USP1: variants seen among roughly 807,000 people sequenced by gnomAD.
USP1 encodes ubiquitin carboxyl-terminal hydrolase 1.
Under a neutral mutation model 72.2 loss-of-function variants are expected in USP1, and 18 were observed. The observed-to-expected ratio is 0.25, with a 90% confidence interval of 0.17 to 0.37. USP1 has a LOEUF of 0.37. Ranked by LOEUF, USP1 falls within the 10% of genes least tolerant of loss-of-function variation. The pLI, the probability that USP1 is intolerant of heterozygous loss-of-function variation, is 1.00. For synonymous variants in USP1, 354 were observed against 303.7 expected (o/e 1.17, Z -1.72); for missense variants, 759 against 884.9 (o/e 0.86, Z 1.81).
chr1:62,445,968 A>C (rs1225140464), intron 6 of USP1, among the ~76,000 whole-genome samples: 2 of 152,148 alleles, frequency 1.3e-5, no homozygotes, highest in African/African-American at 2.4e-5. Flanking sequence ...CGACAGAGCA[A>C]GACTCCGTCT....
chr1:62,441,781 G>T (rs1645136004), intron 3 of USP1, among the ~76,000 whole-genome samples, 173 bp downstream of exon 3: 1 of 152,094 alleles, frequency 6.6e-6, no homozygotes, highest in South Asian at 2.1e-4. Context: ...CTTCCTTTGG[G>T]GTAAGAGAAA....
chr1:62,438,592 AG>A (rs933619246), intron 1 of USP1, among the ~76,000 whole-genome samples: 9 of 152,208 alleles, frequency 5.9e-5, no homozygotes, highest in East Asian at 3.8e-4. Context: ...TCGTTGCTGA[AG>A]TTTTGGGCTT....
rs145831239 is a variant in USP1 at position 62,441,497 on chromosome 1, T to C, written c.180T>C (p.Val60=). The part of the protein sequence containing the change: ...SEYRASEIDQ[V]VPAAQSSPIN... ...CTTCTATATTTCATAGTGATCAAGT[T>C]GTTCCTGCAGCACAGTCTTCACCTA... Residue 60 remains valine (V), a synonymous_variant, in exon 3 of 9, where the codon GTT becomes GTC. Transcript: ENST00000339950. The C allele has an allele frequency of 1.3e-4, 214 of 1,605,322 alleles. No homozygotes were observed. The African/African-American group carries it at 2.7e-3, about 20-fold the overall frequency.
chr1:62,445,080 T>C lies in USP1; in HGVS notation c.900T>C (p.Thr300=). Reference sequence around the variant, plus strand: ...CATTGGAAGAGAACCAGAGACAAACTAGATCAAAAAGAAAAGCTACAAGTG... The same window carrying C: ...CATTGGAAGAGAACCAGAGACAAACCAGATCAAAAAGAAAAGCTACAAGTG... ...HQSLEENQRQ[T]RSKRKATSDT... Residue 300 remains threonine (T), a synonymous_variant, in exon 6 of 9, where the codon ACT becomes ACC. Transcript: ENST00000339950. 1 of 1,611,382 alleles carries C rather than the reference T, an allele frequency of 6.2e-7. No homozygotes were observed. The highest frequency in any genetic ancestry group is 1.1e-5 in the South Asian group (1 of 90,272).
chr1:62,444,323 C>A (rs960020870), intron 5 of USP1, among the ~76,000 whole-genome samples: 5 of 148,996 alleles, frequency 3.4e-5, no homozygotes, highest in African/African-American at 1.0e-4. Flanking sequence ...TGAATACTGG[C>A]TTTTCATCCT....
In USP1 at chr1:62,439,830, A is replaced by T; in HGVS notation, c.-38A>T. 1 of 1,343,408 alleles carries T rather than the reference A, an allele frequency of 7.4e-7. No individual in the cohort carries two copies. The highest frequency in any genetic ancestry group is 9.6e-7 in the Non-Finnish European group (1 of 1,037,186). The allele number at this position is 1,343,408 out of a possible 1,614,324, so 83.2% of individuals were successfully genotyped here. A position where few individuals can be genotyped will look rare whatever the true frequency, so the allele number is the denominator to read the frequency against. ...TTGGTGATTACAACTTTCCTCTATAAATTAACTCTTGACACTCCTTGGGAT... is the reference window on the plus strand; with the variant it reads ...TTGGTGATTACAACTTTCCTCTATATATTAACTCTTGACACTCCTTGGGAT... On this transcript the variant is annotated 5_prime_UTR_variant, in exon 2 of 9. Transcript: ENST00000339950.
At chr1:62,448,409 G>C (rs144830743) in intron 7 of USP1, 56 bp from the exon 8 acceptor site, 1 of 1,535,438 alleles carries the variant, frequency 6.5e-7, no homozygotes, top group Non-Finnish European at 8.9e-7. Flanking sequence ...AAACTTTGTG[G>C]TTTATTTTTT....
Position 62,451,670 on chromosome 1 carries a change from A to G in USP1, c.*689A>G, listed in dbSNP as rs1645222626. 1 of 152,674 alleles carries G rather than the reference A, an allele frequency of 6.5e-6. No individual in the cohort carries two copies. Among genetic ancestry groups the G allele is most frequent in the Non-Finnish European group, 1.5e-5 (1 of 68,042 alleles). 9.5% of individuals were successfully genotyped at this position (152,674 alleles called of 1,614,324 possible). A position where few individuals can be genotyped will look rare whatever the true frequency, so the allele number is the denominator to read the frequency against. On this transcript the variant is annotated 3_prime_UTR_variant, in exon 9 of 9. Transcript: ENST00000339950. ...TCTGTATATAGTACATCAAACTTAG[A>G]GGTGTGACCTTAAATTTAACTTTTT... is the stretch of plus-strand genomic sequence containing the variant.
intron 7 of USP1, among the ~76,000 whole-genome samples, chr1:62,448,136 A>G (rs1294073064): frequency 6.6e-6 from 1 of 152,228 alleles, no homozygotes; most frequent in African/African-American, 2.4e-5. Flanking sequence ...TGTCTAGAGC[A>G]TACCACAAAA....
chr1:62,436,881 C>T, upstream of USP1: 1 of 381,442 alleles, frequency 2.6e-6, no homozygotes, highest in Non-Finnish European at 4.6e-6. Flanking sequence ...ACAGTCCCAG[C>T]TGGCTCCGGA....
chr1:62,444,893 A>G lies in USP1; in HGVS notation c.713A>G (p.His238Arg), dbSNP rs763096144. 1 of 1,613,768 alleles carries G rather than the reference A, an allele frequency of 6.2e-7. No homozygotes were observed. The highest frequency in any genetic ancestry group is 1.1e-5 in the South Asian group (1 of 91,028). ...ELPTKVEEIPHPKEEMNGINS... is the reference protein window; with the variant it reads ...ELPTKVEEIPRPKEEMNGINS... Reference sequence around the variant, plus strand: ...CCTACTAAGGTAGAAGAAATACCTCATCCGAAAGAGGAAATGAATGGTATT... The same window carrying G: ...CCTACTAAGGTAGAAGAAATACCTCGTCCGAAAGAGGAAATGAATGGTATT... Residue 238 changes from histidine to arginine, a missense_variant, in exon 6 of 9, where the codon CAT (histidine) becomes CGT (arginine). This residue lies in a region of USP1 where 245 missense variants were observed against 240.7 expected (regional missense o/e 1.02). Transcript: ENST00000339950.
At chr1:62,439,265 G>A (rs11588261) in intron 1 of USP1, among the ~76,000 whole-genome samples, 64,430 of 151,938 alleles carry the variant, frequency 0.42, 15,553 homozygotes, top group African/African-American at 0.67. Context: ...GCTCACTGCA[G>A]CCTCCGCCTC....
rs755238934 is a variant in USP1 at position 62,445,303 on chromosome 1, G to A, written c.1123G>A (p.Glu375Lys). ...QGVKGQSKEN[E>K]CDPEEDLGKC... The stretch of plus-strand genomic sequence containing the variant: ...AGTCAAAGGACAATCTAAAGAAAAT[G>A]AATGTGATCCTGAAGAGGACTTGGG... The change falls in exon 6 of 9, where the codon GAA becomes AAA. Residue 375 changes from glutamate to lysine, a missense_variant. Transcript: ENST00000339950. 27 of 1,613,608 alleles carry A rather than the reference G, an allele frequency of 1.7e-5. 1 individual carries two copies. The South Asian group carries it at 2.8e-4, about 16-fold the overall frequency.
chr1:62,447,297 GAA>G, intron 6 of USP1, 42 bp from the exon 7 acceptor site: 1 of 1,542,140 alleles, frequency 6.5e-7, no homozygotes, highest in Non-Finnish European at 8.7e-7. Context: ...ACTATAATGA[GAA>G]ACTAATCTGT....
At chr1:62,439,073 C>T (rs546730891) in intron 1 of USP1, among the ~76,000 whole-genome samples, 15 of 152,218 alleles carry the variant, frequency 9.9e-5, no homozygotes, top group Admixed American at 2.6e-4. Flanking sequence ...AGAGAGGACT[C>T]ATCGTCCAGC....
At chr1:62,447,577 TTTAA>T in intron 7 of USP1, 66 bp downstream of exon 7, 2 of 1,524,992 alleles carry the variant, frequency 1.3e-6, no homozygotes, top group Middle Eastern at 1.7e-4. Context: ...CAACACAAAG[TTTAA>T]TAGTAGCTGG....
intron 5 of USP1, 41 bp downstream of exon 5, chr1:62,443,360 C>T: frequency 6.5e-7 from 1 of 1,529,900 alleles, no homozygotes; most frequent in Non-Finnish European, 8.8e-7. Context: ...AATTTAGCTA[C>T]TTGTTTATAT....
rs558525624 is a variant in USP1 at position 62,442,751 on chromosome 1, G to C, written c.397-408G>C. Among the ~76,000 whole-genome samples, 3 of 152,288 alleles carry C rather than the reference G, an allele frequency of 2.0e-5. No individual in the cohort carries two copies. The South Asian group carries it at 6.2e-4, about 32-fold the overall frequency. On this transcript the variant is annotated intron_variant, in intron 4 of 8. Transcript: ENST00000339950. ...GTGGTGGCTCATGCCTGTAATCCCAGCAGTTTGGGAGGTCAAGGTGGGTGG... is the reference window on the plus strand; with the variant it reads ...GTGGTGGCTCATGCCTGTAATCCCACCAGTTTGGGAGGTCAAGGTGGGTGG...
chr1:62,442,445 A>T, intron 4 of USP1, 146 bp downstream of exon 4: 1 of 607,048 alleles, frequency 1.6e-6, no homozygotes, highest in Non-Finnish European at 2.8e-6. Flanking sequence ...ATTATTTTTC[A>T]TTCTTTCAAG....
Sources: gnomAD v4.1 joint callset for allele counts (sites outside exome capture counted in the v4.1 genomes callset) on GRCh38, gnomAD v4.1.1 for gene constraint, gnomAD v4.1.1 regional missense constraint, MANE v1.5 for transcripts, NCBI Gene and HGNC (gene_info 2026-07-23, HGNC 2026-07-21) for gene names.